The following NSUN6 variants were observed in gnomAD, a reference collection of about 807,000 sequenced individuals.
NSUN6 encodes NOP2/Sun RNA methyltransferase 6, also known as tRNA (cytosine(72)-C(5))-methyltransferase NSUN6.
A neutral mutation model predicts 58.0 loss-of-function variants in NSUN6; 64 were observed. The ratio of observed to expected loss-of-function variants is 1.10; its 90% CI spans 0.90 to 1.36. The LOEUF (loss-of-function observed/expected upper bound fraction) is 1.36, where lower values mean the gene tolerates loss of function less well. NSUN6 is among the 40% of genes most tolerant of loss of function. NSUN6 has a pLI of 0.00. For missense variants in NSUN6, 701 were observed against 550.1 expected (o/e 1.27, Z -2.74); for synonymous variants, 231 against 193.9 (o/e 1.19, Z -1.59).
intron 9 of NSUN6, among the ~76,000 whole-genome samples, chr10:18,551,244 T>TTTTGTGTGTGTG (rs1554847992): frequency 1.6e-5 from 2 of 127,080 alleles, no homozygotes; most frequent in South Asian, 3.1e-4. Flanking sequence ...GTCCTCTCAG[T>TTTTGTGTGTGTG]TGTGTGTGTG....
At chr10:18,637,404 T>G (rs1195299034) in intron 3 of NSUN6, among the ~76,000 whole-genome samples, 1 of 152,202 alleles carries the variant, frequency 6.6e-6, no homozygotes, top group African/African-American at 2.4e-5. Flanking sequence ...AAGAACAGAA[T>G]GAAAGGATGA....
chr10:18,553,369 G>A (rs1401535171), intron 8 of NSUN6, among the ~76,000 whole-genome samples: 1 of 151,814 alleles, frequency 6.6e-6, no homozygotes, highest in Non-Finnish European at 1.5e-5. Flanking sequence ...AATGGAGAAT[G>A]GAAGGGAATG....
At chr10:18,587,487 T>C (rs897392860) in intron 7 of NSUN6, among the ~76,000 whole-genome samples, 2 of 151,944 alleles carry the variant, frequency 1.3e-5, no homozygotes, top group Non-Finnish European at 2.9e-5. Flanking sequence ...AGGTCAAAAT[T>C]TGGGAGGGGC....
chr10:18,546,401 G>C (rs1304833866), intron 10 of NSUN6, among the ~76,000 whole-genome samples: 1 of 152,078 alleles, frequency 6.6e-6, no homozygotes, highest in Non-Finnish European at 1.5e-5. Flanking sequence ...CATTATCAAA[G>C]GCCTGAGCTT....
At position 18,548,234 on chromosome 10, in the gene NSUN6, C is replaced by T. The variant is rs1347431911; in HGVS notation, c.1075G>A (p.Val359Ile). ...PLQRKLFTAAVQLLKPEGVLV... is the reference protein window; with the variant it reads ...PLQRKLFTAAIQLLKPEGVLV... ...ACACCCTCTGGCTTCAGCAGCTGAACCGCCTAAAGAAAACTGTGATCAGAC... is the reference window on the plus strand; with the variant it reads ...ACACCCTCTGGCTTCAGCAGCTGAATCGCCTAAAGAAAACTGTGATCAGAC... The change falls in exon 10 of 11, where the codon GTT becomes ATT. Residue 359 changes from valine to isoleucine, a missense_variant. Transcript: ENST00000377304. 3 of 1,612,024 alleles carry T rather than the reference C, an allele frequency of 1.9e-6. No homozygotes were observed. Among genetic ancestry groups the T allele is most frequent in the Non-Finnish European group, 2.5e-6 (3 of 1,178,782 alleles).
intron 6 of NSUN6, among the ~76,000 whole-genome samples, chr10:18,608,479 T>C (rs1170097548): frequency 6.6e-6 from 1 of 151,418 alleles, no homozygotes; most frequent in Non-Finnish European, 1.5e-5. Flanking sequence ...CTACTAAAAA[T>C]ACAAAAAATT....
At chr10:18,583,687 A>C (rs989882912) in intron 8 of NSUN6, among the ~76,000 whole-genome samples, 13 of 152,156 alleles carry the variant, frequency 8.5e-5, no homozygotes, top group African/African-American at 2.4e-4. Context: ...CAATAGAGGG[A>C]AATTTTTAAA....
At chr10:18,631,908 A>G (rs1296155205) in intron 3 of NSUN6, among the ~76,000 whole-genome samples, 1 of 152,240 alleles carries the variant, frequency 6.6e-6, no homozygotes, top group Non-Finnish European at 1.5e-5. Context: ...AAACTACTTT[A>G]AAGTTCATAT....
chr10:18,649,499 C>A (rs946508995), intron 1 of NSUN6, among the ~76,000 whole-genome samples: 2 of 151,914 alleles, frequency 1.3e-5, no homozygotes, highest in South Asian at 2.1e-4. Flanking sequence ...GTGGTGGCCC[C>A]TGTCTGAGGT....
intron 3 of NSUN6, among the ~76,000 whole-genome samples, chr10:18,626,353 A>G (rs2058805332): frequency 6.6e-6 from 1 of 152,210 alleles, no homozygotes; most frequent in African/African-American, 2.4e-5. Context: ...CAGCCTGGGC[A>G]ACACGGCGAG....
Position 18,566,638 on chromosome 10 carries a change from C to A in NSUN6, c.923-14667G>T, listed in dbSNP as rs193212235. Among the ~76,000 whole-genome samples the A allele has an allele frequency of 4.4e-4, 66 of 150,420 alleles. 1 individual carries two copies. In the Admixed American group the frequency reaches 4.4e-3, roughly 10 times the overall value. On this transcript the variant is annotated intron_variant, in intron 8 of 10. Transcript: ENST00000377304. ...TTCCATTCTCCATTCTATTCCATTC[C>A]ATTTCCCATTCCATTCTATTCTCCA...
intron 8 of NSUN6, among the ~76,000 whole-genome samples, chr10:18,556,157 A>AGAATG (rs1373405027): frequency 2.0e-5 from 3 of 150,904 alleles, no homozygotes; most frequent in African/African-American, 7.3e-5. Context: ...AATGGAATGG[A>AGAATG]GAATGGAATG....
intron 6 of NSUN6, among the ~76,000 whole-genome samples, chr10:18,604,197 T>A (rs1267992573): frequency 6.6e-6 from 1 of 151,970 alleles, no homozygotes; most frequent in African/African-American, 2.4e-5. Context: ...GCATCAGACT[T>A]GTTAGAAGTA....
At chr10:18,570,244 A>T (rs1042661405) in intron 8 of NSUN6, among the ~76,000 whole-genome samples, 3 of 147,044 alleles carry the variant, frequency 2.0e-5, no homozygotes, top group Admixed American at 6.9e-5. Flanking sequence ...TCTCCATTCC[A>T]TTCCATTCAA....
intron 8 of NSUN6, among the ~76,000 whole-genome samples, chr10:18,564,437 ACT>A: frequency 7.3e-6 from 1 of 136,936 alleles, no homozygotes; most frequent in Non-Finnish European, 1.6e-5. Context: ...ATTCCATTCC[ACT>A]CTCTATTCCA....
Position 18,556,757 on chromosome 10 carries a change from T to C in NSUN6, c.923-4786A>G, listed in dbSNP as rs570556055. 4.7e-5 allele frequency among the ~76,000 whole-genome samples: 7 copies of C among 148,914 alleles called. No homozygotes were observed. The East Asian group carries it at 1.0e-3, about 21-fold the overall frequency. On this transcript the variant is annotated intron_variant, in intron 8 of 10. Coordinates refer to ENST00000377304, the MANE Select transcript of NSUN6 (RefSeq NM_182543.5). ...GAATGGAATACAGAAGGATTTGGTA[T>C]GGAATGAAGAATGGAATGGAAGGTA...
upstream of NSUN6, chr10:18,651,638 T>A (rs1231153093): frequency 1.0e-6 from 1 of 986,100 alleles, no homozygotes; most frequent in Non-Finnish European, 1.2e-6. Context: ...GCTTCCGGCT[T>A]ACGTCACGTC....
intron 3 of NSUN6, among the ~76,000 whole-genome samples, chr10:18,617,185 G>GT (rs35698731): frequency 0.044 from 5,609 of 127,584 alleles, 205 homozygotes; most frequent in African/African-American, 0.091. Flanking sequence ...AGCCTTTCTA[G>GT]TTTTTTTTTT....
intron 7 of NSUN6, 28 bp from the exon 8 acceptor site, chr10:18,586,121 A>C: frequency 1.3e-6 from 2 of 1,492,336 alleles, no homozygotes; most frequent in South Asian, 2.5e-5. Context: ...ACACACATGC[A>C]GAAAAAAAAA....
Sources: gnomAD v4.1 joint callset for allele counts (sites outside exome capture counted in the v4.1 genomes callset) on GRCh38, gnomAD v4.1.1 for gene constraint, MANE v1.5 for transcripts, NCBI Gene and HGNC (gene_info 2026-07-23, HGNC 2026-07-21) for gene names.